The following ATP9B variants were observed in gnomAD, a reference collection of about 807,000 sequenced individuals.
ATP9B encodes ATPase phospholipid transporting 9B.
A neutral mutation model predicts 146.1 loss-of-function variants in ATP9B; 110 were observed. The observed-to-expected ratio is 0.75, with a 90% confidence interval of 0.65 to 0.88. The LOEUF (loss-of-function observed/expected upper bound fraction) is 0.88. Ranked by LOEUF, ATP9B falls within the 40% of genes least tolerant of loss-of-function variation. ATP9B has a pLI of 0.00. For missense variants in ATP9B, 1,499 were observed against 1,496.4 expected (o/e 1.00, Z -0.03); for synonymous variants, 604 against 569.7 (o/e 1.06, Z -0.86).
intron 7 of ATP9B, among the ~76,000 whole-genome samples, chr18:79,165,906 C>T (rs1194464925): frequency 6.6e-6 from 1 of 152,190 alleles, no homozygotes; most frequent in Admixed American, 6.5e-5. Context: ...TCTACCTGGG[C>T]TCCTGAGCAT....
intron 5 of ATP9B, among the ~76,000 whole-genome samples, chr18:79,137,441 A>G (rs1484189278): frequency 3.3e-5 from 5 of 152,052 alleles, no homozygotes; most frequent in African/African-American, 1.2e-4. Flanking sequence ...AGCTACTTGG[A>G]TAGGCCTTGC....
rs2072620671 is a variant in ATP9B at position 79,076,407 on chromosome 18, G to A, written c.119+6878G>A. On this transcript the variant is annotated intron_variant, in intron 1 of 29. Transcript: ENST00000426216. ...CTGTATTTCTCCTTCATTCCTGAAGGATAATTTCACCAGATACGGAATTCG... is the reference window on the plus strand; with the variant it reads ...CTGTATTTCTCCTTCATTCCTGAAGAATAATTTCACCAGATACGGAATTCG... 5.9e-5 allele frequency among the ~76,000 whole-genome samples: 9 copies of A among 152,110 alleles called. No homozygotes were observed. In the South Asian group the frequency reaches 1.9e-3, roughly 31 times the overall value.
chr18:79,109,818 G>A (rs956480354), intron 2 of ATP9B, among the ~76,000 whole-genome samples: 7 of 152,022 alleles, frequency 4.6e-5, no homozygotes, highest in East Asian at 1.9e-4. Context: ...CGCCTGCCTC[G>A]GCCTCCCAAA....
At chr18:79,190,380 G>C (rs758346891) in intron 8 of ATP9B, among the ~76,000 whole-genome samples, 1 of 152,068 alleles carries the variant, frequency 6.6e-6, no homozygotes, top group Non-Finnish European at 1.5e-5. Flanking sequence ...TTTTCTAACA[G>C]ATTTATTGAA....
intron 5 of ATP9B, among the ~76,000 whole-genome samples, chr18:79,130,392 A>C (rs1321383604): frequency 6.7e-6 from 1 of 149,426 alleles, no homozygotes; most frequent in African/African-American, 2.5e-5. Context: ...GGTCAGTTGT[A>C]TTTATCCAGT....
chr18:79,132,788 G>A (rs537767016), intron 5 of ATP9B, among the ~76,000 whole-genome samples: 23 of 152,166 alleles, frequency 1.5e-4, no homozygotes, highest in Admixed American at 2.6e-4. Flanking sequence ...CATTTGGACT[G>A]TGTCATTTTG....
At chr18:79,089,734 C>T (rs753678841) in intron 1 of ATP9B, among the ~76,000 whole-genome samples, 9 of 152,098 alleles carry the variant, frequency 5.9e-5, no homozygotes, top group Non-Finnish European at 1.2e-4. Flanking sequence ...TTGGGATATC[C>T]GTCACCTCCA....
chr18:79,334,286 G>A (rs2096808065), intron 17 of ATP9B, among the ~76,000 whole-genome samples: 1 of 152,082 alleles, frequency 6.6e-6, no homozygotes, highest in Non-Finnish European at 1.5e-5. Flanking sequence ...GAACCCGGGA[G>A]GCAGAGCTTG....
At chr18:79,115,572 G>C (rs1333847520) in intron 4 of ATP9B, 2 of 125,472 alleles carry the variant, frequency 1.6e-5, no homozygotes, top group Admixed American at 7.6e-5. Flanking sequence ...CCAAAACAGA[G>C]ATATAGATCA....
chr18:79,097,337 A>G (rs919747633), intron 2 of ATP9B, among the ~76,000 whole-genome samples: 3 of 150,956 alleles, frequency 2.0e-5, no homozygotes, highest in African/African-American at 7.3e-5. Flanking sequence ...TTTTCCCCAC[A>G]TTTTGCTACA....
intron 9 of ATP9B, among the ~76,000 whole-genome samples, chr18:79,199,516 A>C (rs28576463): frequency 0.56 from 85,157 of 151,494 alleles, 25,648 homozygotes; most frequent in African/African-American, 0.79. Context: ...AATCCCAGCA[A>C]TTTGGGAGGC....
chr18:79,131,950 T>C (rs9946678), intron 5 of ATP9B, among the ~76,000 whole-genome samples: 58,745 of 152,026 alleles, frequency 0.39, 11,765 homozygotes, highest in East Asian at 0.52. Context: ...TGGCCATAGA[T>C]GAGCGGAAGA....
intron 25 of ATP9B, among the ~76,000 whole-genome samples, chr18:79,356,580 C>A (rs1040498693): frequency 6.6e-6 from 1 of 152,244 alleles, no homozygotes; most frequent in African/African-American, 2.4e-5. Flanking sequence ...CAGCAGCAAC[C>A]TAGATGAATC....
At position 79,348,197 on chromosome 18, in the gene ATP9B, GT is replaced by G; in HGVS notation, c.2903+2del. ...TGTATCAGGGCTTCCTCATGGTGGG[GT>G]AAGTTACACTCAGAACCTGCCAGCT... On this transcript the variant is annotated splice_donor_variant, in intron 25 of 29. Transcript: ENST00000426216. LOFTEE classifies it high-confidence loss of function. The G allele has an allele frequency of 6.3e-7, 1 of 1,586,962 alleles. No individual in the cohort carries two copies.
intron 11 of ATP9B, among the ~76,000 whole-genome samples, chr18:79,221,805 A>G (rs1175341150): frequency 7.3e-6 from 1 of 136,384 alleles, no homozygotes; most frequent in Non-Finnish European, 1.6e-5. Flanking sequence ...TAATTGCATT[A>G]TAAAGGCTTT....
chr18:79,324,156 C>T (rs2096731400), intron 15 of ATP9B, among the ~76,000 whole-genome samples: 1 of 151,894 alleles, frequency 6.6e-6, no homozygotes. Context: ...CATTTTTTTC[C>T]GATTAAGTCG....
intron 9 of ATP9B, among the ~76,000 whole-genome samples, chr18:79,201,090 T>C (rs949968489): frequency 6.6e-6 from 1 of 152,186 alleles, no homozygotes; most frequent in Non-Finnish European, 1.5e-5. Flanking sequence ...GAAACTTATT[T>C]GTGGTTTTCA....
At chr18:79,191,826 A>G (rs1395158691) in intron 8 of ATP9B, among the ~76,000 whole-genome samples, 1 of 152,178 alleles carries the variant, frequency 6.6e-6, no homozygotes, top group Non-Finnish European at 1.5e-5. Flanking sequence ...TTTCTTGATT[A>G]TGGACCTTGT....
At chr18:79,354,947 G>A (rs768471833) in intron 25 of ATP9B, among the ~76,000 whole-genome samples, 1 of 152,240 alleles carries the variant, frequency 6.6e-6, no homozygotes, top group Non-Finnish European at 1.5e-5. Flanking sequence ...GGGAAGGGCT[G>A]TGCCCACCTC....
Sources: gnomAD v4.1 joint callset for allele counts (sites outside exome capture counted in the v4.1 genomes callset) on GRCh38, gnomAD v4.1.1 for gene constraint, MANE v1.5 for transcripts, NCBI Gene and HGNC (gene_info 2026-07-23, HGNC 2026-07-21) for gene names.